GNB4: variants seen among roughly 807,000 people sequenced by gnomAD.
GNB4 encodes the protein G protein subunit beta 4.
GNB4 carries 28 observed loss-of-function variants against 45.2 expected under a neutral mutation model. That is an observed-to-expected ratio of 0.62 (90% CI 0.46 to 0.85). The LOEUF is 0.85. Among genes scored for constraint, GNB4 ranks in the 40% least tolerant of loss-of-function variants. GNB4 has a pLI of 0.00. For synonymous variants in GNB4, 132 were observed against 143.7 expected (o/e 0.92, Z 0.58); for missense variants, 321 against 425.4 (o/e 0.75, Z 2.16).
the GNB4 span, among the ~76,000 whole-genome samples, chr3:179,462,580 T>C: frequency 6.6e-6 from 1 of 152,232 alleles, no homozygotes; most frequent in African/African-American, 2.4e-5. Flanking sequence ...GGTTTACACC[T>C]GTAATCCTAG....
At chr3:179,479,743 A>C in the GNB4 span, among the ~76,000 whole-genome samples, 2 of 152,310 alleles carry the variant, frequency 1.3e-5, no homozygotes, top group African/African-American at 4.8e-5. Context: ...GTTAAAAAAA[A>C]CTCAAATTGC....
intron 5 of GNB4, 56 bp downstream of exon 5, chr3:179,416,437 T>G: frequency 9.8e-7 from 1 of 1,018,020 alleles, no homozygotes; most frequent in Non-Finnish European, 1.5e-6. Flanking sequence ...AGGAAAGAAC[T>G]GGTGAACAGC....
In GNB4 at chr3:179,398,089, A is replaced by C. The variant is rs968356184; in HGVS notation, c.*3124T>G. The C allele has an allele frequency of 1.3e-4, 20 of 152,174 alleles. No individual in the cohort carries two copies. The highest frequency in any genetic ancestry group is 4.8e-4 in the African/African-American group (20 of 41,436). 9.4% of individuals were successfully genotyped at this position (152,174 alleles called of 1,614,324 possible). Reference sequence around the variant, plus strand: ...ATGCTCAACACCACAGGGTGATAACATACTTAGAAAAGAATATGTATCTCT... The same window carrying C: ...ATGCTCAACACCACAGGGTGATAACCTACTTAGAAAAGAATATGTATCTCT... On this transcript the variant is annotated 3_prime_UTR_variant, in exon 10 of 10. Transcript: ENST00000232564.
chr3:179,517,246 G>C, the GNB4 span, among the ~76,000 whole-genome samples: 2 of 151,970 alleles, frequency 1.3e-5, no homozygotes, highest in African/African-American at 4.8e-5. Flanking sequence ...GGCTCATCCT[G>C]GCTCAAAAGC....
At chr3:179,450,997 TG>T (rs1446624323) in intron 1 of GNB4, 2 of 152,336 alleles carry the variant, frequency 1.3e-5, no homozygotes, top group Non-Finnish European at 2.9e-5. Flanking sequence ...TCTGAGTTCC[TG>T]GAAGGAGGCC....
the GNB4 span, among the ~76,000 whole-genome samples, chr3:179,468,035 A>AAAAAAAAAAAAAATATATATATATAT: frequency 2.0e-3 from 178 of 89,852 alleles, 9 homozygotes; most frequent in African/African-American, 6.8e-3. Context: ...TGTTGATAAA[A>AAAAAAAAAAAAAATATATATATATAT]ATATATATAT....
At chr3:179,514,254 T>A in the GNB4 span, among the ~76,000 whole-genome samples, 1 of 152,152 alleles carries the variant, frequency 6.6e-6, no homozygotes, top group East Asian at 1.9e-4. Flanking sequence ...ATAGGTATGA[T>A]GTGGACATGG....
At chr3:179,488,009 C>A in the GNB4 span, among the ~76,000 whole-genome samples, 1,029 of 151,698 alleles carry the variant, frequency 6.8e-3, 12 homozygotes, top group African/African-American at 0.022. Context: ...AGAGATCACA[C>A]CACTGTGCTC....
At chr3:179,471,935 C>T in the GNB4 span, among the ~76,000 whole-genome samples, 8,112 of 152,162 alleles carry the variant, frequency 0.053, 282 homozygotes, top group Middle Eastern at 0.2. Flanking sequence ...CCTAAAGATG[C>T]ACACAATGAT....
the GNB4 span, among the ~76,000 whole-genome samples, chr3:179,472,370 CTTTT>C: frequency 9.7e-5 from 13 of 134,122 alleles, no homozygotes; most frequent in Non-Finnish European, 9.3e-5. Flanking sequence ...TTCTTTCTTT[CTTTT>C]TTTTTTTTTT....
intron 8 of GNB4, among the ~76,000 whole-genome samples, chr3:179,407,296 C>CA (rs1472643272): frequency 2.6e-5 from 4 of 151,814 alleles, no homozygotes; most frequent in Non-Finnish European, 5.9e-5. Context: ...CCGTCTCTAC[C>CA]AAAAATACAA....
the GNB4 span, among the ~76,000 whole-genome samples, chr3:179,494,642 G>C: frequency 1.3e-5 from 2 of 152,116 alleles, no homozygotes; most frequent in South Asian, 4.2e-4. Flanking sequence ...AGGCGCAGTG[G>C]CTCACGCCTG....
chr3:179,416,823 C>T (rs558416153), intron 4 of GNB4, among the ~76,000 whole-genome samples: 1 of 152,232 alleles, frequency 6.6e-6, no homozygotes, highest in South Asian at 2.1e-4. Flanking sequence ...CTTAGTTATA[C>T]AAGATTTGGG....
At chr3:179,406,302 A>C (rs1405090957) in intron 8 of GNB4, among the ~76,000 whole-genome samples, 1 of 152,196 alleles carries the variant, frequency 6.6e-6, no homozygotes, top group Non-Finnish European at 1.5e-5. Context: ...AATAGCAGTA[A>C]TCATTTACGT....
At chr3:179,525,531 T>C in the GNB4 span, among the ~76,000 whole-genome samples, 1 of 149,918 alleles carries the variant, frequency 6.7e-6, no homozygotes, top group Non-Finnish European at 1.5e-5. Flanking sequence ...AACCCCGCAA[T>C]TGACTTGCCA....
rs114505581 is a variant in GNB4, at chr3:179,439,445, G to T, written c.-43+11901C>A. On this transcript the variant is annotated intron_variant, in intron 1 of 9. Coordinates refer to ENST00000232564, the MANE Select transcript of GNB4 (RefSeq NM_021629.4). ...AACCTGCCTCCCATTATGGTTCCTA[G>T]ATAAGATGGCTACAAAGATGAAAAG... 2.8e-3 allele frequency among the ~76,000 whole-genome samples: 427 copies of T among 152,244 alleles called. 2 individuals are homozygous for T. Among genetic ancestry groups the T allele is most frequent in the African/African-American group, 9.5e-3 (396 of 41,532 alleles).
the GNB4 span, among the ~76,000 whole-genome samples, chr3:179,508,145 T>C: frequency 6.6e-6 from 1 of 152,210 alleles, no homozygotes; most frequent in East Asian, 1.9e-4. Flanking sequence ...ATGGACATTT[T>C]ATTTTTTATT....
chr3:179,413,443 G>C lies in GNB4; in HGVS notation c.668C>G (p.Thr223Arg). 6.2e-7 allele frequency: 1 copy of C among 1,613,838 alleles called. No homozygotes were observed. Among genetic ancestry groups the C allele is most frequent in the Non-Finnish European group, 8.5e-7 (1 of 1,179,826 alleles). The change falls in exon 8 of 10, where the codon ACG becomes AGG. Residue 223 changes from threonine to arginine, a missense_variant. Coordinates refer to ENST00000232564, the MANE Select transcript of GNB4 (RefSeq NM_021629.4). ...AGCATTGATATCTGAGACATGTCCC[G>C]TGAAAGACTGTCTACACATTCCATC... The part of the protein sequence containing the change: ...IRDGMCRQSF[T>R]GHVSDINAVS...
intron 2 of GNB4, among the ~76,000 whole-genome samples, chr3:179,425,901 T>A (rs1025444179): frequency 2.6e-5 from 4 of 152,262 alleles, no homozygotes; most frequent in African/African-American, 7.2e-5. Context: ...AAAAAGAGAA[T>A]TATGTCTGTC....
Sources: gnomAD v4.1 joint callset for allele counts (sites outside exome capture counted in the v4.1 genomes callset) on GRCh38, gnomAD v4.1.1 for gene constraint, MANE v1.5 for transcripts, NCBI Gene and HGNC (gene_info 2026-07-23, HGNC 2026-07-21) for gene names.